MAP3K20: variants seen among roughly 807,000 people sequenced by gnomAD.
MAP3K20 encodes the protein HCCS-4.
MAP3K20 carries 40 observed loss-of-function variants against 85.7 expected under a neutral mutation model. The ratio of observed to expected loss-of-function variants is 0.47; its 90% CI spans 0.36 to 0.61. The LOEUF (loss-of-function observed/expected upper bound fraction) is 0.61. Among genes scored for constraint, MAP3K20 ranks in the 20% least tolerant of loss-of-function variants. The pLI is 0.00. For synonymous variants in MAP3K20, 325 were observed against 327.7 expected (o/e 0.99, Z 0.09); for missense variants, 817 against 961.7 (o/e 0.85, Z 1.99).
chr2:173,234,719 C>T (rs1003063386), intron 14 of MAP3K20, among the ~76,000 whole-genome samples: 3 of 152,160 alleles, frequency 2.0e-5, no homozygotes, highest in East Asian at 1.9e-4. Context: ...TAAGCAGCTC[C>T]GTCTGCAGAA....
intron 10 of MAP3K20, 63 bp from the exon 11 acceptor site, chr2:173,217,052 A>T: frequency 1.5e-6 from 2 of 1,341,332 alleles, no homozygotes; most frequent in East Asian, 5.5e-5. Flanking sequence ...ATTCTGATGG[A>T]CCCACTAAGC....
chr2:173,209,767 G>A lies in MAP3K20; in HGVS notation c.783G>A (p.Glu261=). The A allele has an allele frequency of 6.2e-7, 1 of 1,613,434 alleles. No individual in the cohort carries two copies. The highest frequency in any genetic ancestry group is 2.2e-5 in the East Asian group (1 of 44,874). ...PSFKQIISIL[E]SMSNDTSLPD... ...TCAAGCAAATCATTTCAATCCTGGA[G>A]TCCATGTCAAATGACACGAGCCTTC... Residue 261 remains glutamate, a synonymous_variant, in exon 10 of 20, where the codon GAG becomes GAA. Coordinates refer to ENST00000375213, the MANE Select transcript of MAP3K20 (RefSeq NM_016653.3).
In MAP3K20 at chr2:173,239,352, T is replaced by G; in HGVS notation, c.1267-52T>G. On this transcript the variant is annotated intron_variant, in intron 15 of 19. Transcript: ENST00000375213. ...GTGCCAAGATATCATCTTCTTTACA[T>G]GAGAAGTAAAAACAACATCTAGAAT... The G allele has an allele frequency of 4.2e-6, 6 of 1,428,356 alleles. No homozygotes were observed. In the South Asian group the frequency reaches 8.1e-5, roughly 19 times the overall value. 88.5% of individuals were successfully genotyped at this position (1,428,356 alleles called of 1,614,324 possible).
chr2:173,188,925 ATCTT>A (rs1383761268), intron 5 of MAP3K20, among the ~76,000 whole-genome samples: 1 of 152,196 alleles, frequency 6.6e-6, no homozygotes, highest in East Asian at 1.9e-4. Context: ...ACTTCAGTAT[ATCTT>A]AAATCTTCTA....
At chr2:173,105,348 C>T (rs879413178) in intron 2 of MAP3K20, among the ~76,000 whole-genome samples, 1 of 152,090 alleles carries the variant, frequency 6.6e-6, no homozygotes, top group East Asian at 1.9e-4. Flanking sequence ...TAATCAAGGA[C>T]GTCTCAGAGG....
intron 2 of MAP3K20, among the ~76,000 whole-genome samples, chr2:173,159,809 C>T (rs1233660854): frequency 6.6e-6 from 1 of 152,352 alleles, no homozygotes; most frequent in East Asian, 1.9e-4. Flanking sequence ...CACTCTGTTT[C>T]ATCCAGTTTT....
At chr2:173,232,497 T>G in intron 14 of MAP3K20, 38 bp downstream of exon 14, 1 of 1,597,718 alleles carries the variant, frequency 6.3e-7, no homozygotes, top group Non-Finnish European at 8.5e-7. Context: ...CAGCAAACCC[T>G]TTTTTTGTTT....
At chr2:173,259,371 A>T (rs1018542274) in intron 17 of MAP3K20, among the ~76,000 whole-genome samples, 5 of 152,208 alleles carry the variant, frequency 3.3e-5, no homozygotes, top group Non-Finnish European at 7.3e-5. Flanking sequence ...AACAAGAAAG[A>T]CTTGTGGAAA....
intron 9 of MAP3K20, 73 bp downstream of exon 9, chr2:173,203,943 T>C (rs1406672667): frequency 7.2e-7 from 1 of 1,393,974 alleles, no homozygotes; most frequent in South Asian, 1.2e-5. Context: ...TTTTAAAACT[T>C]AGGGTAATAA....
intron 4 of MAP3K20, among the ~76,000 whole-genome samples, chr2:173,186,425 C>T (rs1041374288): frequency 2.0e-4 from 30 of 152,218 alleles, no homozygotes; most frequent in African/African-American, 7.2e-4. Flanking sequence ...TATTTAAGAT[C>T]ACATAATTAC....
chr2:173,090,678 T>C (rs1293329232), intron 1 of MAP3K20: 2 of 1,007,038 alleles, frequency 2.0e-6, no homozygotes, highest in Non-Finnish European at 2.4e-6. Context: ...AGAGGAGACC[T>C]GGTGACACAG....
chr2:173,076,300 G>A (rs1354548392), intron 1 of MAP3K20, among the ~76,000 whole-genome samples: 2 of 152,114 alleles, frequency 1.3e-5, no homozygotes, highest in East Asian at 1.9e-4. Flanking sequence ...CCATGGAGAA[G>A]TTGGCGCCTG....
In MAP3K20 at chr2:173,198,904, C is replaced by T. The variant is rs1446960606; in HGVS notation, c.669+792C>T. The T allele has an allele frequency of 6.6e-6, 1 of 152,568 alleles. No homozygotes were observed. Among genetic ancestry groups the T allele is most frequent in the East Asian group, 1.9e-4 (1 of 5,190 alleles). The allele number at this position is 152,568 out of a possible 1,614,324, so 9.5% of individuals were successfully genotyped here. A position where few individuals can be genotyped will look rare whatever the true frequency, so the allele number is the denominator to read the frequency against. ...GGTTTAAAATTGTGACTGAAACGCA[C>T]AGCCATGGAAATTCTCAGCATAAGG... On this transcript the variant is annotated intron_variant, in intron 8 of 19. Transcript: ENST00000375213. The surrounding 1 kb of genome is among the most constrained non-coding windows in gnomAD (Gnocchi z 5.8).
At chr2:173,252,942 A>G (rs1178877238) in intron 16 of MAP3K20, among the ~76,000 whole-genome samples, 3 of 152,226 alleles carry the variant, frequency 2.0e-5, no homozygotes, top group African/African-American at 7.2e-5. Context: ...TCTATGTAAG[A>G]AGATACGAAT....
chr2:173,120,447 T>C (rs948508449), intron 2 of MAP3K20, among the ~76,000 whole-genome samples: 1 of 151,938 alleles, frequency 6.6e-6, no homozygotes, highest in African/African-American at 2.4e-5. Context: ...ATTCCCTTGG[T>C]AATTGGGATT....
intron 2 of MAP3K20, among the ~76,000 whole-genome samples, chr2:173,101,500 T>C (rs1687637903): frequency 1.3e-5 from 2 of 152,240 alleles, no homozygotes; most frequent in Non-Finnish European, 1.5e-5. Flanking sequence ...CTGGAAATAT[T>C]ATGCTGAAGT....
intron 11 of MAP3K20, among the ~76,000 whole-genome samples, chr2:173,228,458 C>T (rs1684442942): frequency 6.6e-6 from 1 of 152,194 alleles, no homozygotes; most frequent in African/African-American, 2.4e-5. Context: ...TTTGTGAATA[C>T]ATCTGTCTAT....
chr2:173,204,084 T>C (rs950126207), intron 9 of MAP3K20, among the ~76,000 whole-genome samples: 3 of 152,232 alleles, frequency 2.0e-5, no homozygotes, highest in African/African-American at 7.2e-5. Flanking sequence ...TAGCACGCTT[T>C]GACATTCTGA....
intron 11 of MAP3K20, chr2:173,221,630 A>G: frequency 7.4e-7 from 1 of 1,350,354 alleles, no homozygotes. Context: ...CAGAAAGCCA[A>G]GCACTGCATT....
Sources: gnomAD v4.1 joint callset for allele counts (sites outside exome capture counted in the v4.1 genomes callset) on GRCh38, gnomAD v4.1.1 for gene constraint, Gnocchi (gnomAD v3.1) non-coding constraint, MANE v1.5 for transcripts, NCBI Gene and HGNC (gene_info 2026-07-23, HGNC 2026-07-21) for gene names.